HEPHL1: variants seen among roughly 807,000 people sequenced by gnomAD.
HEPHL1 encodes hephaestin like 1.
HEPHL1 carries 123 observed loss-of-function variants against 122.0 expected under a neutral mutation model. That is an observed-to-expected ratio of 1.01 (90% confidence interval 0.87 to 1.17). HEPHL1 has a LOEUF of 1.17. Among genes scored for constraint, HEPHL1 ranks in the 50% most tolerant of loss-of-function variants. The pLI is 0.00. For synonymous variants in HEPHL1, 527 were observed against 508.9 expected (o/e 1.04, Z -0.48); for missense variants, 1,452 against 1,430.5 (o/e 1.01, Z -0.24).
intron 8 of HEPHL1, among the ~76,000 whole-genome samples, chr11:94,073,874 G>T (rs1222603476): frequency 6.6e-6 from 1 of 152,054 alleles, no homozygotes; most frequent in Non-Finnish European, 1.5e-5. Flanking sequence ...CATGGTCTTT[G>T]CTCTGTATCA....
chr11:94,055,698 C>T, intron 2 of HEPHL1: 1 of 384,266 alleles, frequency 2.6e-6, no homozygotes, highest in South Asian at 2.1e-5. Context: ...AGACAATGCA[C>T]TCTGTGATCT....
intron 4 of HEPHL1, among the ~76,000 whole-genome samples, chr11:94,066,185 C>A (rs1288079953): frequency 1.3e-5 from 2 of 151,540 alleles, no homozygotes; most frequent in East Asian, 3.9e-4. Flanking sequence ...CAGAGCAAGA[C>A]CCTGTCTCAA....
At chr11:94,030,057 G>A (rs1400898736) in intron 1 of HEPHL1, among the ~76,000 whole-genome samples, 1 of 152,176 alleles carries the variant, frequency 6.6e-6, no homozygotes, top group Non-Finnish European at 1.5e-5. Flanking sequence ...GGGAGAACAG[G>A]GTAGAGAAGT....
At chr11:94,103,270 T>C (rs201255151) in intron 15 of HEPHL1, among the ~76,000 whole-genome samples, 1,473 of 98,428 alleles carry the variant, frequency 0.015, 7 homozygotes, top group East Asian at 0.046. Flanking sequence ...ATTTTTTTTT[T>C]CCCAAAAAAA....
At chr11:94,045,221 G>T (rs541358783) in intron 1 of HEPHL1, among the ~76,000 whole-genome samples, 1 of 152,184 alleles carries the variant, frequency 6.6e-6, no homozygotes, top group East Asian at 1.9e-4. Context: ...GAACTATTAC[G>T]TTCCTAGAAA....
chr11:94,075,698 ATTC>A (rs773104437), intron 9 of HEPHL1, among the ~76,000 whole-genome samples: 6 of 152,112 alleles, frequency 3.9e-5, no homozygotes, highest in Non-Finnish European at 8.8e-5. Context: ...AATTGGAATT[ATTC>A]TTCTTGGACA....
intron 2 of HEPHL1, chr11:94,055,935 C>A: frequency 7.6e-7 from 1 of 1,312,280 alleles, no homozygotes; most frequent in Non-Finnish European, 1.1e-6. Context: ...TAAGGCCAGG[C>A]CAAACTTGCC....
At chr11:94,024,002 G>A (rs1254614355) in intron 1 of HEPHL1, among the ~76,000 whole-genome samples, 1 of 152,184 alleles carries the variant, frequency 6.6e-6, no homozygotes, top group Non-Finnish European at 1.5e-5. Flanking sequence ...GTGGAGTTCA[G>A]TGTGTGTACT....
At chr11:94,098,286 G>A (rs916482212) in intron 13 of HEPHL1, among the ~76,000 whole-genome samples, 13 of 152,186 alleles carry the variant, frequency 8.5e-5, no homozygotes, top group Non-Finnish European at 1.9e-4. Context: ...TAGTTTGGCT[G>A]GATATGAAAT....
intron 2 of HEPHL1, among the ~76,000 whole-genome samples, chr11:94,058,165 T>C (rs1945955698): frequency 6.6e-6 from 1 of 152,218 alleles, no homozygotes; most frequent in South Asian, 2.1e-4. Context: ...AGTGGATCTG[T>C]GAGTGGTTAG....
intron 6 of HEPHL1, among the ~76,000 whole-genome samples, chr11:94,071,107 C>T (rs1234382740): frequency 6.6e-6 from 1 of 152,082 alleles, no homozygotes; most frequent in Non-Finnish European, 1.5e-5. Flanking sequence ...ATTATGTTCT[C>T]TCTGCGCTCC....
intron 1 of HEPHL1, among the ~76,000 whole-genome samples, chr11:94,043,411 A>C (rs1945804823): frequency 6.6e-6 from 1 of 152,116 alleles, no homozygotes; most frequent in South Asian, 2.1e-4. Context: ...CCCTGAACTA[A>C]TCATGGTGGC....
intron 9 of HEPHL1, 73 bp from the exon 10 acceptor site, chr11:94,082,345 C>A: frequency 8.5e-7 from 1 of 1,179,520 alleles, no homozygotes; most frequent in Non-Finnish European, 1.2e-6. Flanking sequence ...TTTGTGTGAA[C>A]TTTGAAGGAA....
chr11:94,096,156 T>G (rs1946311212), intron 13 of HEPHL1, among the ~76,000 whole-genome samples: 1 of 152,208 alleles, frequency 6.6e-6, no homozygotes, highest in Admixed American at 6.5e-5. Flanking sequence ...GGCTGTCGGT[T>G]TGTCATAGAT....
chr11:94,044,579 T>C (rs1486139367), intron 1 of HEPHL1, among the ~76,000 whole-genome samples: 3 of 152,138 alleles, frequency 2.0e-5, no homozygotes, highest in Non-Finnish European at 4.4e-5. Context: ...CCTCACTTCC[T>C]AGACCTGTGC....
At chr11:94,109,772 A>C (rs893667071) in intron 17 of HEPHL1, among the ~76,000 whole-genome samples, 2 of 152,140 alleles carry the variant, frequency 1.3e-5, no homozygotes, top group Admixed American at 1.3e-4. Flanking sequence ...TATGTTCATG[A>C]GGAGTATTGA....
rs550457251 is a variant in HEPHL1 at position 94,048,293 on chromosome 11, T to C, written c.415+2376T>C. ...ATTGTGAATAATACTGCTATAAACA[T>C]TGGTGCACCACAGATCTTTCTGAGC... On this transcript the variant is annotated intron_variant, in intron 2 of 19. Coordinates refer to ENST00000315765, the MANE Select transcript of HEPHL1 (RefSeq NM_001098672.2). Among the ~76,000 whole-genome samples, 12 of 152,258 alleles carry C rather than the reference T, an allele frequency of 7.9e-5. No individual in the cohort carries two copies. The South Asian group carries it at 2.3e-3, about 29-fold the overall frequency.
rs1488833668 is a variant in HEPHL1, at chr11:94,064,511, G to A, written c.808+1G>A. The A allele has an allele frequency of 1.2e-6, 2 of 1,607,846 alleles. No individual in the cohort carries two copies. The highest frequency in any genetic ancestry group is 1.7e-5 in the Admixed American group (1 of 59,892). ...TTCCAGAGGAGTAACAAAATGCATG[G>A]TGAGTACCTCCCATGTTCCCAAACG... On this transcript the variant is annotated splice_donor_variant, in intron 4 of 19. Transcript: ENST00000315765. LOFTEE classifies it high-confidence loss of function.
chr11:94,095,007 C>T (rs535503421), intron 13 of HEPHL1, among the ~76,000 whole-genome samples: 18 of 152,274 alleles, frequency 1.2e-4, no homozygotes, highest in East Asian at 7.7e-4. Flanking sequence ...TAATTAGATA[C>T]GATTTGTCAA....
Sources: gnomAD v4.1 joint callset for allele counts (sites outside exome capture counted in the v4.1 genomes callset) on GRCh38, gnomAD v4.1.1 for gene constraint, MANE v1.5 for transcripts, NCBI Gene and HGNC (gene_info 2026-07-23, HGNC 2026-07-21) for gene names.